The following EXOC6 variants were observed in gnomAD, a reference collection of about 807,000 sequenced individuals.
EXOC6 encodes the protein SEC15-like 1.
A neutral mutation model predicts 112.5 loss-of-function variants in EXOC6; 60 were observed. That is an observed-to-expected ratio of 0.53 (90% CI 0.43 to 0.66). The LOEUF (loss-of-function observed/expected upper bound fraction) is 0.66. EXOC6 is among the 30% of genes least tolerant of loss of function. The pLI, the probability that EXOC6 is intolerant of heterozygous loss-of-function variation, is 0.00. For missense variants in EXOC6, 855 were observed against 957.1 expected, an observed-to-expected ratio of 0.89 and a Z score of 1.41; for synonymous variants, 295 against 308.0, an observed-to-expected ratio of 0.96 and a Z score of 0.44.
chr10:92,972,780 C>A (rs375673341), intron 17 of EXOC6, among the ~76,000 whole-genome samples: 24 of 152,296 alleles, frequency 1.6e-4, no homozygotes, highest in African/African-American at 5.8e-4. Flanking sequence ...CCTAGAATTT[C>A]ATTTTCTCCT....
At chr10:92,959,788 G>A (rs113283153) in intron 17 of EXOC6, among the ~76,000 whole-genome samples, 1,720 of 152,288 alleles carry the variant, frequency 0.011, 19 homozygotes, top group Non-Finnish European at 0.017. Flanking sequence ...TAAGGGAAAT[G>A]CAAATTAAAA....
intron 1 of EXOC6, among the ~76,000 whole-genome samples, chr10:92,876,890 C>A (rs1848707061): frequency 6.6e-6 from 1 of 152,196 alleles, no homozygotes; most frequent in South Asian, 2.1e-4. Context: ...TTCCTACTTT[C>A]CCTTTTCATT....
chr10:92,834,688 T>G, upstream of EXOC6: 1 of 1,422,540 alleles, frequency 7.0e-7, no homozygotes, highest in East Asian at 2.3e-5. Context: ...ACAACAGTTT[T>G]TCACTCAATA....
At chr10:92,833,463 A>G (rs1299769851), upstream of EXOC6, among the ~76,000 whole-genome samples, 2 of 152,168 alleles carry the variant, frequency 1.3e-5, no homozygotes, top group African/African-American at 2.4e-5. Flanking sequence ...TAGCTTATGT[A>G]TATCACTGGC....
intron 20 of EXOC6, among the ~76,000 whole-genome samples, chr10:93,038,033 C>A (rs1845593850): frequency 7.4e-6 from 1 of 135,140 alleles, no homozygotes; most frequent in Non-Finnish European, 1.6e-5. Context: ...GAGCGAGACT[C>A]CGTCTCCAAA....
intron 14 of EXOC6, among the ~76,000 whole-genome samples, chr10:92,949,035 C>T (rs1270770749): frequency 1.3e-5 from 2 of 152,140 alleles, no homozygotes; most frequent in Admixed American, 1.3e-4. Context: ...CAAACATGCA[C>T]CCTTGTACCT....
At chr10:92,999,476 A>G (rs1317595334) in intron 19 of EXOC6, 1 of 272,646 alleles carries the variant, frequency 3.7e-6, no homozygotes, top group Non-Finnish European at 7.2e-6. Flanking sequence ...CCAGTATGAC[A>G]TTGTCTGTAT....
chr10:92,943,988 T>G (rs540619258), intron 13 of EXOC6, among the ~76,000 whole-genome samples: 1 of 152,326 alleles, frequency 6.6e-6, no homozygotes, highest in East Asian at 1.9e-4. Context: ...CTCATATAAG[T>G]GAGATTATGC....
At chr10:93,027,996 A>T (rs1437583903) in intron 20 of EXOC6, among the ~76,000 whole-genome samples, 1 of 152,214 alleles carries the variant, frequency 6.6e-6, no homozygotes, top group Non-Finnish European at 1.5e-5. Context: ...TCTCCATTCT[A>T]AATGCCATTA....
At chr10:92,991,929 A>G (rs554531933) in intron 18 of EXOC6, among the ~76,000 whole-genome samples, 1 of 152,264 alleles carries the variant, frequency 6.6e-6, no homozygotes, top group East Asian at 1.9e-4. Flanking sequence ...AAGTAGTTAG[A>G]GATGGACAGA....
At chr10:93,049,727 G>C (rs1846192216) in intron 20 of EXOC6, among the ~76,000 whole-genome samples, 1 of 152,086 alleles carries the variant, frequency 6.6e-6, no homozygotes, top group Admixed American at 6.6e-5. Flanking sequence ...CTACAGGTGT[G>C]CACCACCACA....
At chr10:92,834,651 A>G, upstream of EXOC6, 4 of 1,057,014 alleles carry the variant, frequency 3.8e-6, no homozygotes, top group Non-Finnish European at 5.4e-6. Context: ...AATTATAAGG[A>G]AAACGGTATT....
intron 20 of EXOC6, 58 bp downstream of exon 20, chr10:93,014,325 CT>C (rs986840508): frequency 0.029 from 29,290 of 1,006,620 alleles, no homozygotes; most frequent in South Asian, 0.04. Context: ...CCTCCCCTCA[CT>C]TTTTTTTTTT....
rs576894195 is a variant in EXOC6, at chr10:92,964,841, G to C, written c.1773+9127G>C. 2.6e-5 allele frequency among the ~76,000 whole-genome samples: 4 copies of C among 152,204 alleles called. No homozygotes were observed. The South Asian group carries it at 8.3e-4, about 32-fold the overall frequency. On this transcript the variant is annotated intron_variant, in intron 17 of 21. Transcript: ENST00000260762. ...TGCTTTATGCAATTTTGGCCTCATC[G>C]TCAGACTACTTATAGTGGCCCAGCA... is the stretch of plus-strand genomic sequence containing the variant.
At chr10:92,965,264 G>T (rs1841998121) in intron 17 of EXOC6, among the ~76,000 whole-genome samples, 1 of 152,108 alleles carries the variant, frequency 6.6e-6, no homozygotes, top group African/African-American at 2.4e-5. Context: ...GGTGGAATTT[G>T]TGCATGTATA....
rs1350679905 is a variant in EXOC6, at chr10:92,985,654, CA to C, written c.1953+11425del. Among the ~76,000 whole-genome samples the C allele has an allele frequency of 2.0e-5, 3 of 152,132 alleles. No individual in the cohort carries two copies. In the East Asian group the frequency reaches 5.8e-4, roughly 29 times the overall value. On this transcript the variant is annotated intron_variant, in intron 18 of 21. Coordinates refer to ENST00000260762, the MANE Select transcript of EXOC6 (RefSeq NM_019053.6). ...TGTTTGTAAGCATCATTCTTTCAGA[CA>C]AATGTAACGTTTCAATCCAAATGTT...
At chr10:92,829,500 A>G (rs549149707) in intron 1 of EXOC6, among the ~76,000 whole-genome samples, 1 of 152,324 alleles carries the variant, frequency 6.6e-6, no homozygotes, top group African/African-American at 2.4e-5. Flanking sequence ...ACAACGCCAG[A>G]CAACAACACC....
At chr10:92,975,764 G>A (rs1468937990) in intron 18 of EXOC6, among the ~76,000 whole-genome samples, 4 of 120,020 alleles carry the variant, frequency 3.3e-5, no homozygotes, top group Non-Finnish European at 5.4e-5. Context: ...CCCCCGCCGG[G>A]CCAGCCGCCC....
At chr10:92,946,168 C>T (rs1270403712) in intron 13 of EXOC6, among the ~76,000 whole-genome samples, 4 of 151,976 alleles carry the variant, frequency 2.6e-5, no homozygotes, top group African/African-American at 7.3e-5. Context: ...TGGTGGCCGG[C>T]GCCTGTAGTC....
Sources: gnomAD v4.1 joint callset for allele counts (sites outside exome capture counted in the v4.1 genomes callset) on GRCh38, gnomAD v4.1.1 for gene constraint, MANE v1.5 for transcripts, NCBI Gene and HGNC (gene_info 2026-07-23, HGNC 2026-07-21) for gene names.